Variants in LRGUK observed in about 807,000 individuals in gnomAD.
The protein encoded by LRGUK is leucine-rich repeat and guanylate kinase domain-containing protein.
Under a neutral mutation model 76.0 loss-of-function variants are expected in LRGUK, and 65 were observed. The observed-to-expected ratio is 0.85, with a 90% confidence interval of 0.70 to 1.05. The LOEUF (loss-of-function observed/expected upper bound fraction) is 1.05, where lower values mean the gene tolerates loss of function less well. LRGUK is among the 50% of genes least tolerant of loss of function. The pLI, the probability that LRGUK is intolerant of heterozygous loss-of-function variation, is 0.00. For missense variants in LRGUK, 758 were observed against 732.8 expected, an observed-to-expected ratio of 1.03 and a Z score of -0.40; for synonymous variants, 268 against 265.6, an observed-to-expected ratio of 1.01 and a Z score of -0.09.
Position 134,148,227 on chromosome 7 carries a change from T to C in LRGUK, c.589-11T>C. 1 of 1,568,078 alleles carries C rather than the reference T, an allele frequency of 6.4e-7. No individual in the cohort carries two copies. Among genetic ancestry groups the C allele is most frequent in the Non-Finnish European group, 8.7e-7 (1 of 1,143,942 alleles). On this transcript the variant is annotated splice_polypyrimidine_tract_variant and intron_variant, in intron 4 of 15. Transcript: ENST00000645682. ...TATTAATATAACATCTTGTTCTCTTTCTCTTGCCAGAAGGCGGATTTTTCC... is the reference window on the plus strand; with the variant it reads ...TATTAATATAACATCTTGTTCTCTTCCTCTTGCCAGAAGGCGGATTTTTCC...
intron 11 of LRGUK, 113 bp from the exon 12 acceptor site, chr7:134,191,542 G>A: frequency 1.3e-6 from 1 of 749,088 alleles, no homozygotes; most frequent in Non-Finnish European, 2.3e-6. Flanking sequence ...ATTACTTTAT[G>A]ATTTATGATT....
At chr7:134,206,716 A>G (rs933684275) in intron 15 of LRGUK, among the ~76,000 whole-genome samples, 9 of 152,166 alleles carry the variant, frequency 5.9e-5, no homozygotes, top group African/African-American at 2.2e-4. Flanking sequence ...AACTATATTC[A>G]CAACTCAGTA....
Position 134,191,644 on chromosome 7 carries a change from T to C in LRGUK, c.1335-11T>C, listed in dbSNP as rs1800252803. On this transcript the variant is annotated splice_polypyrimidine_tract_variant and intron_variant, in intron 11 of 15. Coordinates refer to ENST00000645682, the Ensembl canonical transcript of LRGUK. The stretch of plus-strand genomic sequence containing the variant: ...TAGAAATGGACTAGGTGATCTGTTT[T>C]ATGATTTCAGGGCCTGTCATACCAC... 2 of 1,583,300 alleles carry C rather than the reference T, an allele frequency of 1.3e-6. No homozygotes were observed. Among genetic ancestry groups the C allele is most frequent in the Admixed American group, 3.4e-5 (2 of 58,776 alleles).
At position 134,178,901 on chromosome 7, in the gene LRGUK, C is replaced by T. The variant is rs539871911; in HGVS notation, c.1214+292C>T. On this transcript the variant is annotated intron_variant, in intron 10 of 15. Coordinates refer to ENST00000645682, the Ensembl canonical transcript of LRGUK. ...TTCTGGCCACTTGTATGGTGGCCAGCGTGTGCCACACAACAGTGAAATCTC... is the reference window on the plus strand; with the variant it reads ...TTCTGGCCACTTGTATGGTGGCCAGTGTGTGCCACACAACAGTGAAATCTC... Among the ~76,000 whole-genome samples, 7 of 69,792 alleles carry T rather than the reference C, an allele frequency of 1.0e-4. No individual in the cohort carries two copies. The East Asian group carries it at 3.5e-3, about 35-fold the overall frequency. The allele number at this position is 69,792 out of a possible 152,430, so 45.8% of individuals were successfully genotyped here.
downstream of LRGUK, among the ~76,000 whole-genome samples, chr7:134,266,961 C>T (rs1390527695): frequency 6.6e-6 from 1 of 152,074 alleles, no homozygotes; most frequent in Non-Finnish European, 1.5e-5. Flanking sequence ...CATCAACAAC[C>T]ATGGAAGTGG....
downstream of LRGUK, among the ~76,000 whole-genome samples, chr7:134,268,802 T>C (rs1170522600): frequency 4.8e-5 from 6 of 124,350 alleles, no homozygotes; most frequent in Admixed American, 1.0e-4. Context: ...CCATCTCCAA[T>C]CACTGCAAGC....
At chr7:134,158,255 A>C (rs1475530604) in intron 6 of LRGUK, 96 bp downstream of exon 6, 3 of 1,100,202 alleles carry the variant, frequency 2.7e-6, no homozygotes, top group African/African-American at 3.1e-5. Flanking sequence ...ATATATAAAG[A>C]GAAAATTCCT....
intron 12 of LRGUK, among the ~76,000 whole-genome samples, chr7:134,193,295 T>C (rs1023449846): frequency 6.6e-6 from 1 of 152,232 alleles, no homozygotes; most frequent in Non-Finnish European, 1.5e-5. Context: ...AGAAGTTATC[T>C]TGATATTAGT....
downstream of LRGUK, among the ~76,000 whole-genome samples, chr7:134,211,305 T>C (rs1047693908): frequency 6.6e-6 from 1 of 152,256 alleles, no homozygotes; most frequent in Non-Finnish European, 1.5e-5. Flanking sequence ...GAATCCAACC[T>C]GAGTTCCAAC....
chr7:134,263,057 T>C (rs1563204260), intron 19 of LRGUK, among the ~76,000 whole-genome samples: 1 of 152,156 alleles, frequency 6.6e-6, no homozygotes, highest in Non-Finnish European at 1.5e-5. Context: ...TCTTATTTTT[T>C]TCTTTGAATA....
chr7:134,171,633 C>A (rs898188716), intron 7 of LRGUK, among the ~76,000 whole-genome samples: 1 of 151,998 alleles, frequency 6.6e-6, no homozygotes, highest in East Asian at 1.9e-4. Context: ...TCAATAGGGG[C>A]AAAGGAGGTG....
chr7:134,159,795 A>G (rs1798645743), intron 6 of LRGUK, among the ~76,000 whole-genome samples: 1 of 152,214 alleles, frequency 6.6e-6, no homozygotes, highest in South Asian at 2.1e-4. Context: ...TCTCAAAAAA[A>G]CAAAACAAAC....
At chr7:134,191,399 A>G (rs1219656982) in intron 11 of LRGUK, among the ~76,000 whole-genome samples, 1 of 152,206 alleles carries the variant, frequency 6.6e-6, no homozygotes, top group Non-Finnish European at 1.5e-5. Flanking sequence ...ATGGCAGAGG[A>G]AGTGGTTCAG....
At chr7:134,218,155 T>G (rs1801485672) in intron 15 of LRGUK, among the ~76,000 whole-genome samples, 2 of 152,214 alleles carry the variant, frequency 1.3e-5, no homozygotes, top group African/African-American at 4.8e-5. Flanking sequence ...AGAGATGGGG[T>G]TTTGCCAATG....
downstream of LRGUK, among the ~76,000 whole-genome samples, chr7:134,268,963 C>G (rs377355033): frequency 2.0e-5 from 3 of 151,904 alleles, no homozygotes; most frequent in African/African-American, 7.3e-5. Context: ...CATCTCTTGA[C>G]TTTGTGATCC....
chr7:134,199,156 G>A (rs902101886), intron 13 of LRGUK, 64 bp from the exon 14 acceptor site: 7 of 1,340,390 alleles, frequency 5.2e-6, no homozygotes, highest in African/African-American at 1.4e-5. Flanking sequence ...TTGTCAGATG[G>A]CTCCAAAATG....
At chr7:134,198,075 T>G (rs1800585254) in intron 13 of LRGUK, among the ~76,000 whole-genome samples, 1 of 82,982 alleles carries the variant, frequency 1.2e-5, no homozygotes, top group Admixed American at 1.3e-4. Flanking sequence ...TGGCTCTTTG[T>G]GTTGGTATAA....
rs1801130674 is a variant in LRGUK, at chr7:134,209,144, T to TC, written c.2285dup (p.Pro763SerfsTer28). The TC allele has an allele frequency of 2.5e-5, 10 of 399,240 alleles. No homozygotes were observed. Among genetic ancestry groups the TC allele is most frequent in the Non-Finnish European group, 4.0e-5 (9 of 226,328 alleles). 24.7% of individuals were successfully genotyped at this position (399,240 alleles called of 1,614,324 possible). The stretch of plus-strand genomic sequence containing the variant: ...GACCCTGGTGCCTCCTGTGCACCCT[T>TC]CCCCTCCCTCGTCCCGCAGCCCTCA... On this transcript the variant is annotated frameshift_variant, in exon 16 of 16. Coordinates refer to ENST00000645682, the Ensembl canonical transcript of LRGUK. LOFTEE classifies it low-confidence loss of function (END_TRUNC).
At chr7:134,127,350 G>A in exon 1 of LRGUK, 1 of 1,576,634 alleles carries the variant, frequency 6.3e-7, no homozygotes, top group Non-Finnish European at 8.6e-7. Flanking sequence ...AGTCTCCTAG[G>A]CAACCCCGCT....
Sources: gnomAD v4.1 joint callset for allele counts (sites outside exome capture counted in the v4.1 genomes callset) on GRCh38, gnomAD v4.1.1 for gene constraint, MANE v1.5 for transcripts, NCBI Gene and HGNC (gene_info 2026-07-23, HGNC 2026-07-21) for gene names.